VIL1: variants seen among roughly 807,000 people sequenced by gnomAD.
VIL1 encodes the protein villin-1.
In VIL1, 86 loss-of-function variants were observed where a neutral mutation model predicts 104.0. The observed-to-expected ratio is 0.83, with a 90% CI of 0.69 to 0.99. VIL1 has a LOEUF of 0.99. Ranked by LOEUF, VIL1 falls within the 50% of genes least tolerant of loss-of-function variation. The probability of loss-of-function intolerance (pLI) is 0.00; values close to 1 mark genes in which losing one functional copy is unlikely to be tolerated. For missense variants in VIL1, 944 were observed against 1,054.1 expected (o/e 0.90, Z 1.45); for synonymous variants, 394 against 412.6 (o/e 0.95, Z 0.55).
chr2:218,428,735 A>G (rs1031861030), intron 6 of VIL1, among the ~76,000 whole-genome samples: 2 of 152,142 alleles, frequency 1.3e-5, no homozygotes, highest in East Asian at 1.9e-4. Flanking sequence ...GCAATGGCGC[A>G]ATCTCAGCTC....
chr2:218,435,370 G>A lies in VIL1; in HGVS notation c.1762G>A (p.Gly588Arg), dbSNP rs1574817148. ...GACGGAGAAGCAAGTGGTGGTGGAA[G>A]GGCAGGAGCCAGCCAACTTCTGGAT... ...SRTEKQVVVE[G>R]QEPANFWMAL... The change falls in exon 15 of 20, where the codon GGG (glycine) becomes AGG (arginine). Residue 588 changes from glycine (G) to arginine (R), a missense_variant. Coordinates refer to ENST00000248444, the MANE Select transcript of VIL1 (RefSeq NM_007127.3). The A allele has an allele frequency of 1.9e-6, 3 of 1,614,182 alleles. No individual in the cohort carries two copies. Among genetic ancestry groups the A allele is most frequent in the Non-Finnish European group, 2.5e-6 (3 of 1,180,006 alleles).
chr2:218,430,527 G>A (rs1185819695), intron 9 of VIL1, among the ~76,000 whole-genome samples, 198 bp from the exon 10 acceptor site: 3 of 152,088 alleles, frequency 2.0e-5, no homozygotes, highest in South Asian at 2.1e-4. Context: ...GGTTTCAGGC[G>A]GTATCAGATT....
chr2:218,425,562 G>A, intron 3 of VIL1, 53 bp from the exon 4 acceptor site: 1 of 1,586,034 alleles, frequency 6.3e-7, no homozygotes, highest in East Asian at 2.2e-5. Flanking sequence ...ACACAGAGCT[G>A]GAGGGGCTGT....
rs372104074 is a variant in VIL1 at position 218,429,441 on chromosome 2, G to A, written c.724G>A (p.Asp242Asn). ...KRRELKAAVP[D>N]TVVEPALKAA... ...CAGGGAGCTGAAGGCGGCCGTGCCC[G>A]ACACGGTGGTGGAGCCGGCACTCAA... Residue 242 changes from aspartate to asparagine, a missense_variant, in exon 7 of 20, where the codon GAC becomes AAC. Transcript: ENST00000248444. 169 of 1,613,914 alleles carry A rather than the reference G, an allele frequency of 1.0e-4. No homozygotes were observed. Among genetic ancestry groups the A allele is most frequent in the South Asian group, 4.4e-5 (4 of 91,090 alleles).
chr2:218,449,377 T>TCAGG lies in VIL1; in HGVS notation c.*41_*42insCAGG. Reference sequence around the variant, plus strand: ...TTGTAAAGCAGTACCCTACCCTGATTGTAGGGTCTCATTTTCTCACCGATA... The same window carrying TCAGG: ...TTGTAAAGCAGTACCCTACCCTGATTCAGGGTAGGGTCTCATTTTCTCACCGATA... On this transcript the variant is annotated 3_prime_UTR_variant, in exon 20 of 20. Coordinates refer to ENST00000248444, the MANE Select transcript of VIL1 (RefSeq NM_007127.3). The TCAGG allele has an allele frequency of 8.8e-6, 13 of 1,474,362 alleles. No individual in the cohort carries two copies. The highest frequency in any genetic ancestry group is 2.3e-5 in the East Asian group (1 of 44,078). 91.3% of individuals were successfully genotyped at this position (1,474,362 alleles called of 1,614,324 possible).
intron 1 of VIL1, among the ~76,000 whole-genome samples, chr2:218,421,636 G>A (rs1688900184): frequency 6.6e-6 from 1 of 152,092 alleles, no homozygotes; most frequent in South Asian, 2.1e-4. Context: ...CCAGGTAGGG[G>A]GGCCACATCT....
At chr2:218,424,412 G>C (rs1427302901) in intron 3 of VIL1, 61 bp downstream of exon 3, 32 of 1,562,834 alleles carry the variant, frequency 2.0e-5, no homozygotes, top group African/African-American at 2.7e-5. Context: ...GTGTCAGGGA[G>C]GAAACAGGCT....
chr2:218,439,816 CAAAAAA>C (rs35708356), intron 18 of VIL1, among the ~76,000 whole-genome samples: 1 of 51,208 alleles, frequency 2.0e-5, no homozygotes, highest in Admixed American at 2.2e-4. Context: ...GACCCTGTCT[CAAAAAA>C]AAAAAAAAAA....
Position 218,449,774 on chromosome 2 carries a change from C to G in VIL1, c.*438C>G. 5.8e-6 allele frequency: 1 copy of G among 173,896 alleles called. No homozygotes were observed. The highest frequency in any genetic ancestry group is 1.3e-5 in the Non-Finnish European group (1 of 79,452). 10.8% of individuals were successfully genotyped at this position (173,896 alleles called of 1,614,324 possible). A position where few individuals can be genotyped will look rare whatever the true frequency, so the allele number is the denominator to read the frequency against. ...TAACAGCTTTTCCTTTTCACATATA[C>G]TTTCCTTACTGCCTTACTCAGTGGG... On this transcript the variant is annotated 3_prime_UTR_variant, in exon 20 of 20. Coordinates refer to ENST00000248444, the MANE Select transcript of VIL1 (RefSeq NM_007127.3).
chr2:218,441,171 C>T (rs547825410), intron 19 of VIL1, among the ~76,000 whole-genome samples: 3 of 152,064 alleles, frequency 2.0e-5, no homozygotes, highest in African/African-American at 7.2e-5. Flanking sequence ...GGTGGATCAC[C>T]TGAGGTCAGG....
In VIL1 at chr2:218,428,037, G is replaced by A; in HGVS notation, c.420G>A (p.Leu140=). 6.2e-7 allele frequency: 1 copy of A among 1,614,194 alleles called. No individual in the cohort carries two copies. Among genetic ancestry groups the A allele is most frequent in the Non-Finnish European group, 8.5e-7 (1 of 1,180,030 alleles). The stretch of plus-strand genomic sequence containing the variant: ...ACTCCTATGACGTCCAGAGGCTGCT[G>A]CATGTCAAGGGCAAGAGGAACGTGG... The part of the protein sequence containing the change: ...ETNSYDVQRL[L]HVKGKRNVVA... Residue 140 remains leucine (L), a synonymous_variant, in exon 5 of 20, where the codon CTG becomes CTA. Transcript: ENST00000248444.
At chr2:218,432,508 T>TGAAGAAGGAGCAGAAAGG (rs1183224779) in intron 12 of VIL1, 1 of 694,152 alleles carries the variant, frequency 1.4e-6, no homozygotes, top group African/African-American at 1.8e-5. Context: ...GATGTCTCCC[T>TGAAGAAGGAGCAGAAAGG]GAAGAAGGAG....
chr2:218,422,772 G>A (rs950650460), intron 1 of VIL1, among the ~76,000 whole-genome samples: 2 of 152,218 alleles, frequency 1.3e-5, no homozygotes, highest in African/African-American at 4.8e-5. Context: ...AGTTCAAGGA[G>A]CATTCATGGA....
chr2:218,437,843 C>T (rs1689222016), intron 17 of VIL1, among the ~76,000 whole-genome samples: 1 of 152,130 alleles, frequency 6.6e-6, no homozygotes, highest in African/African-American at 2.4e-5. Flanking sequence ...GGGGTGTTTC[C>T]TAAACTGGCC....
At chr2:218,425,929 G>A in intron 4 of VIL1, 118 bp downstream of exon 4, 1 of 1,120,292 alleles carries the variant, frequency 8.9e-7, no homozygotes, top group Non-Finnish European at 1.2e-6. Flanking sequence ...AAGAACACTT[G>A]GAGCAGGGGG....
At chr2:218,433,839 G>A (rs1442507645) in intron 13 of VIL1, among the ~76,000 whole-genome samples, 6 of 150,942 alleles carry the variant, frequency 4.0e-5, no homozygotes, top group Admixed American at 2.0e-4. Context: ...CCTGGGAGAC[G>A]CTGAGTCAGG....
chr2:218,446,434 C>G (rs1200092475), intron 19 of VIL1, among the ~76,000 whole-genome samples: 1 of 152,100 alleles, frequency 6.6e-6, no homozygotes, highest in Non-Finnish European at 1.5e-5. Context: ...GGGGTTTCAC[C>G]ATGTTGGCCA....
chr2:218,420,742 C>T (rs1380012064), intron 1 of VIL1, among the ~76,000 whole-genome samples: 3 of 152,040 alleles, frequency 2.0e-5, no homozygotes, highest in Non-Finnish European at 2.9e-5. Context: ...CCCACCATCT[C>T]GCCCGGCTAA....
At chr2:218,420,306 A>G (rs1350247859) in intron 1 of VIL1, among the ~76,000 whole-genome samples, 2 of 151,654 alleles carry the variant, frequency 1.3e-5, no homozygotes. Context: ...GCGCACGCCT[A>G]TAGTCCCAGC....
Sources: gnomAD v4.1 joint callset for allele counts (sites outside exome capture counted in the v4.1 genomes callset) on GRCh38, gnomAD v4.1.1 for gene constraint, MANE v1.5 for transcripts, NCBI Gene and HGNC (gene_info 2026-07-23, HGNC 2026-07-21) for gene names.